The following EGFLAM variants were observed in gnomAD, a reference collection of about 807,000 sequenced individuals.
The protein encoded by EGFLAM is EGF like, fibronectin type III and laminin G domains.
A neutral mutation model predicts 113.1 loss-of-function variants in EGFLAM; 79 were observed. The observed-to-expected ratio is 0.70, with a 90% CI of 0.58 to 0.84. The LOEUF (loss-of-function observed/expected upper bound fraction) is 0.84, where lower values mean the gene tolerates loss of function less well. Among genes scored for constraint, EGFLAM ranks in the 40% least tolerant of loss-of-function variants. The pLI, the probability that EGFLAM is intolerant of heterozygous loss-of-function variation, is 0.00. For synonymous variants in EGFLAM, 504 were observed against 487.6 expected (o/e 1.03, Z -0.44); for missense variants, 1,265 against 1,291.6 (o/e 0.98, Z 0.32).
intron 11 of EGFLAM, 140 bp downstream of exon 11, chr5:38,412,788 T>G: frequency 1.5e-6 from 2 of 1,315,906 alleles, no homozygotes; most frequent in Non-Finnish European, 2.0e-6. Flanking sequence ...TTTCTCATGG[T>G]GAACCCATGC....
chr5:38,411,158 A>G (rs975454872), intron 10 of EGFLAM, among the ~76,000 whole-genome samples: 1 of 152,194 alleles, frequency 6.6e-6, no homozygotes, highest in Admixed American at 6.5e-5. Context: ...AGCTGGTTGC[A>G]GTGGCTCACA....
rs897603055 is a variant in EGFLAM, at chr5:38,409,094, C to G, written c.1339C>G (p.Leu447Val). ...FMSLAIIRRS[L>V]QFRFNCGTGV... ...GTCCCTGGCTATCATCCGACGCTCC[C>G]TGCAGTTCAGGTAATTCCTGCCAAA... is the stretch of plus-strand genomic sequence containing the variant. Residue 447 changes from leucine (L) to valine (V), a missense_variant, in exon 10 of 22, where the codon CTG becomes GTG. Coordinates refer to ENST00000322350, the MANE Select transcript of EGFLAM (RefSeq NM_152403.4). 4 of 1,576,408 alleles carry G rather than the reference C, an allele frequency of 2.5e-6. No homozygotes were observed. The highest frequency in any genetic ancestry group is 3.6e-5 in the Admixed American group (2 of 55,394).
chr5:38,373,993 G>A (rs1188738312), intron 6 of EGFLAM, among the ~76,000 whole-genome samples: 1 of 152,264 alleles, frequency 6.6e-6, no homozygotes, highest in South Asian at 2.1e-4. Context: ...CTGAGGATGG[G>A]ATAAGCCCAG....
intron 1 of EGFLAM, among the ~76,000 whole-genome samples, chr5:38,333,023 G>A (rs958944171): frequency 2.0e-5 from 3 of 152,168 alleles, no homozygotes; most frequent in Non-Finnish European, 2.9e-5. Context: ...TTATTATTCA[G>A]CTCCCACTTA....
At chr5:38,373,223 A>C (rs1222286469) in intron 6 of EGFLAM, among the ~76,000 whole-genome samples, 2 of 152,222 alleles carry the variant, frequency 1.3e-5, no homozygotes, top group Admixed American at 6.5e-5. Flanking sequence ...AGATTAAAAA[A>C]AATGAGTTTT....
chr5:38,258,868 C>G lies in EGFLAM; in HGVS notation c.97+17C>G. The stretch of plus-strand genomic sequence containing the variant: ...GAAAACCAGGTAATGCGCTCCTCCG[C>G]CCAGAGCCACCACGCCCCGAGCGCC... On this transcript the variant is annotated intron_variant, in intron 1 of 21. Transcript: ENST00000322350. 1.9e-6 allele frequency: 3 copies of G among 1,603,478 alleles called. No individual in the cohort carries two copies. The African/African-American group carries it at 4.0e-5, about 21-fold the overall frequency.
At chr5:38,409,131 CT>C (rs777732646) in intron 10 of EGFLAM, 27 bp downstream of exon 10, 5 of 1,511,348 alleles carry the variant, frequency 3.3e-6, no homozygotes, top group Non-Finnish European at 4.5e-6. Flanking sequence ...GCCTCACACT[CT>C]TTTTTTGTTA....
At chr5:38,329,213 T>C (rs1355060990) in intron 1 of EGFLAM, among the ~76,000 whole-genome samples, 2 of 151,842 alleles carry the variant, frequency 1.3e-5, no homozygotes, top group Non-Finnish European at 1.5e-5. Context: ...CAACTGAGCC[T>C]GGGAGATGGA....
At chr5:38,329,911 C>T (rs552627540) in intron 1 of EGFLAM, among the ~76,000 whole-genome samples, 29 of 152,102 alleles carry the variant, frequency 1.9e-4, no homozygotes, top group African/African-American at 6.5e-4. Flanking sequence ...ATAGGGTGCT[C>T]AATATGTTAG....
At position 38,293,365 on chromosome 5, in the gene EGFLAM, C is replaced by A. The variant is rs950872597; in HGVS notation, c.97+34514C>A. On this transcript the variant is annotated intron_variant, in intron 1 of 21. Transcript: ENST00000322350. ...AAATAAGGATAACAATACTTATTGCCCACAGAATTACAGTGAGGATTAAAT... is the reference window on the plus strand; with the variant it reads ...AAATAAGGATAACAATACTTATTGCACACAGAATTACAGTGAGGATTAAAT... Among the ~76,000 whole-genome samples the A allele has an allele frequency of 2.0e-5, 3 of 152,112 alleles. 1 individual carries two copies. The South Asian group carries it at 6.2e-4, about 31-fold the overall frequency.
intron 1 of EGFLAM, among the ~76,000 whole-genome samples, chr5:38,311,362 C>T (rs1738441209): frequency 6.6e-6 from 1 of 152,128 alleles, no homozygotes; most frequent in Non-Finnish European, 1.5e-5. Flanking sequence ...GTCCCCCAGC[C>T]CCTGCCTGGT....
chr5:38,305,113 G>A (rs879147856), intron 1 of EGFLAM, among the ~76,000 whole-genome samples: 1 of 151,522 alleles, frequency 6.6e-6, no homozygotes, highest in Admixed American at 6.6e-5. Flanking sequence ...ATTCTACAAA[G>A]GAAGAAAAGA....
chr5:38,260,176 A>T (rs1263903806), intron 1 of EGFLAM, among the ~76,000 whole-genome samples: 1 of 152,232 alleles, frequency 6.6e-6, no homozygotes, highest in African/African-American at 2.4e-5. Flanking sequence ...ACACATACAT[A>T]TACCTTCAAG....
intron 1 of EGFLAM, among the ~76,000 whole-genome samples, chr5:38,330,914 C>T (rs17423846): frequency 0.093 from 14,087 of 151,984 alleles, 817 homozygotes; most frequent in Middle Eastern, 0.14. Context: ...ATAAAACTAC[C>T]TAGAGAAAAT....
At chr5:38,304,879 A>C (rs1758685653) in intron 1 of EGFLAM, among the ~76,000 whole-genome samples, 1 of 152,230 alleles carries the variant, frequency 6.6e-6, no homozygotes, top group Admixed American at 6.5e-5. Context: ...AACTGTAAAC[A>C]TGAGCAGGAT....
intron 5 of EGFLAM, among the ~76,000 whole-genome samples, chr5:38,361,949 C>G (rs925851072): frequency 1.3e-5 from 2 of 151,426 alleles, no homozygotes; most frequent in Non-Finnish European, 2.9e-5. Context: ...AATATATTTT[C>G]ACACTAGCGG....
chr5:38,313,318 C>T (rs1371093990), intron 1 of EGFLAM, among the ~76,000 whole-genome samples: 2 of 152,106 alleles, frequency 1.3e-5, no homozygotes, highest in South Asian at 2.1e-4. Context: ...ATAACAAAAA[C>T]GTTTCCATGT....
intron 1 of EGFLAM, among the ~76,000 whole-genome samples, chr5:38,295,315 T>C (rs1293409671): frequency 2.0e-5 from 3 of 152,218 alleles, no homozygotes; most frequent in African/African-American, 7.2e-5. Context: ...TTTAATTCAC[T>C]TTTTATTAGT....
intron 1 of EGFLAM, among the ~76,000 whole-genome samples, chr5:38,331,892 A>G (rs542150172): frequency 1.3e-5 from 2 of 152,298 alleles, no homozygotes; most frequent in Admixed American, 1.3e-4. Context: ...GTATATATCC[A>G]TGTGCAGTTT....
Sources: gnomAD v4.1 joint callset for allele counts (sites outside exome capture counted in the v4.1 genomes callset) on GRCh38, gnomAD v4.1.1 for gene constraint, MANE v1.5 for transcripts, NCBI Gene and HGNC (gene_info 2026-07-23, HGNC 2026-07-21) for gene names.